GNPDA1: variants seen among roughly 807,000 people sequenced by gnomAD.
GNPDA1 encodes the protein glucosamine-6-phosphate deaminase 1, also known as GNPDA 1.
Under a neutral mutation model 28.5 loss-of-function variants are expected in GNPDA1, and 24 were observed. That is an observed-to-expected ratio of 0.84 (90% CI 0.61 to 1.19). The LOEUF (loss-of-function observed/expected upper bound fraction) is 1.19, where lower values mean the gene tolerates loss of function less well. Among genes scored for constraint, GNPDA1 ranks in the 50% most tolerant of loss-of-function variants. GNPDA1 has a pLI of 0.00. For synonymous variants in GNPDA1, 147 were observed against 139.3 expected (o/e 1.06, Z -0.39); for missense variants, 264 against 367.3 (o/e 0.72, Z 2.30).
At chr5:142,007,667 A>C (rs1299342964) in intron 3 of GNPDA1, 132 bp downstream of exon 3, 1 of 650,598 alleles carries the variant, frequency 1.5e-6, no homozygotes, top group Non-Finnish European at 2.8e-6. Flanking sequence ...GTAAACCAAG[A>C]GGTAAGTATT....
chr5:142,004,885 A>G, intron 5 of GNPDA1, 47 bp downstream of exon 5: 1 of 1,317,168 alleles, frequency 7.6e-7, no homozygotes, highest in South Asian at 1.4e-5. Flanking sequence ...TTAACAAGAG[A>G]AAGACAAGTC....
intron 6 of GNPDA1, among the ~76,000 whole-genome samples, chr5:142,002,672 T>C (rs1341225268): frequency 6.6e-6 from 1 of 152,070 alleles, no homozygotes; most frequent in Non-Finnish European, 1.5e-5. Flanking sequence ...GAGAATCACT[T>C]AAGCCCGGGA....
rs1345953362 is a variant in GNPDA1, at chr5:142,003,675, G to A, written c.595-413C>T. On this transcript the variant is annotated intron_variant, in intron 5 of 6. Transcript: ENST00000311337. This position sits in a 1 kb window ranked among gnomAD's most constrained non-coding sequence, Gnocchi z 4.0. The stretch of plus-strand genomic sequence containing the variant: ...GCTCCCAACCTGCACCACCAGCAAG[G>A]GCACTTTGCAAGCAATGGTGGGAGT... 2.6e-5 allele frequency among the ~76,000 whole-genome samples: 4 copies of A among 152,214 alleles called. No individual in the cohort carries two copies. Among genetic ancestry groups the A allele is most frequent in the African/African-American group, 9.6e-5 (4 of 41,460 alleles).
intron 4 of GNPDA1, chr5:142,005,532 G>A (rs1755780406): frequency 1.2e-5 from 2 of 165,464 alleles, no homozygotes; most frequent in Non-Finnish European, 2.7e-5. Flanking sequence ...CAGAGAACCT[G>A]GACAGGGGCT....
intron 6 of GNPDA1, among the ~76,000 whole-genome samples, 178 bp downstream of exon 6, chr5:142,002,910 G>A (rs1755711126): frequency 6.6e-6 from 1 of 152,168 alleles, no homozygotes; most frequent in African/African-American, 2.4e-5. Flanking sequence ...TCCAGAAATG[G>A]ATCTTTGCAG....
In GNPDA1 at chr5:142,006,314, T is replaced by C. The variant is rs1345682636; in HGVS notation, c.239A>G (p.Asp80Gly). 2.5e-6 allele frequency: 4 copies of C among 1,613,112 alleles called. No homozygotes were observed. Among genetic ancestry groups the C allele is most frequent in the Non-Finnish European group, 3.4e-6 (4 of 1,179,584 alleles). The change falls in exon 4 of 7, where the codon GAC becomes GGC. Residue 80 changes from aspartate to glycine, a missense_variant. Physicochemically the swap from Asp to Gly is moderately conservative, Grantham distance 94. Transcript: ENST00000311337. ...NMDEYVGLPRDHPESYHSFMW... is the reference protein window; with the variant it reads ...NMDEYVGLPRGHPESYHSFMW... ...GAAGGAGTGGTAACTCTCCGGGTGG[T>C]CTCGAGGAAGGCCTGTGGGGCCGTG...
intron 6 of GNPDA1, 71 bp from the exon 7 acceptor site, chr5:142,002,200 C>A (rs1261165506): frequency 2.6e-6 from 2 of 759,890 alleles, no homozygotes; most frequent in Admixed American, 5.1e-5. Context: ...TCAATCATAA[C>A]ATCCAGGAGC....
chr5:142,010,960 C>CT (rs1005137481), intron 2 of GNPDA1, among the ~76,000 whole-genome samples: 37 of 151,864 alleles, frequency 2.4e-4, no homozygotes, highest in Non-Finnish European at 3.4e-4. Context: ...ATTGTCTTTT[C>CT]TTTTTTTGAG....
rs140395498 is a variant in GNPDA1, at chr5:142,000,958, G to A, written c.*1071C>T. 5.9e-5 allele frequency: 9 copies of A among 152,642 alleles called. No homozygotes were observed. The highest frequency in any genetic ancestry group is 2.0e-4 in the Admixed American group (3 of 15,302). 9.5% of individuals were successfully genotyped at this position (152,642 alleles called of 1,614,324 possible). A position where few individuals can be genotyped will look rare whatever the true frequency, so the allele number is the denominator to read the frequency against. ...AGAGCAACAGACCACCTTGGGATCC[G>A]GGGAGAAGGGTAAATGGGCAAAAGG... is the stretch of plus-strand genomic sequence containing the variant. On this transcript the variant is annotated 3_prime_UTR_variant, in exon 7 of 7. Coordinates refer to ENST00000311337, the MANE Select transcript of GNPDA1 (RefSeq NM_005471.5).
chr5:142,011,974 C>T lies in GNPDA1; in HGVS notation c.62G>A (p.Arg21Lys). The stretch of plus-strand genomic sequence containing the variant: ...TGGGTTAAACTGGATGATGCGGTTC[C>T]TGATGTATTTAGCCGCCCACTCGCT... Reference protein sequence around the residue: ...QASEWAAKYIRNRIIQFNPGP... With the variant: ...QASEWAAKYIKNRIIQFNPGP... Residue 21 changes from arginine to lysine, a missense_variant, in exon 2 of 7, where the codon AGG becomes AAG. By Grantham distance (26) the Arg-to-Lys change is conservative. Transcript: ENST00000311337. 1 of 1,613,390 alleles carries T rather than the reference C, an allele frequency of 6.2e-7. No homozygotes were observed. The highest frequency in any genetic ancestry group is 8.5e-7 in the Non-Finnish European group (1 of 1,179,372).
intron 6 of GNPDA1, among the ~76,000 whole-genome samples, chr5:142,002,496 T>A (rs1232168340): frequency 6.6e-6 from 1 of 152,228 alleles, no homozygotes; most frequent in Non-Finnish European, 1.5e-5. Flanking sequence ...CTCACACCTA[T>A]GATCCTAGCA....
chr5:142,002,698 G>A (rs1755705184), intron 6 of GNPDA1, among the ~76,000 whole-genome samples: 1 of 152,074 alleles, frequency 6.6e-6, no homozygotes, highest in African/African-American at 2.4e-5. Flanking sequence ...AGGTTGCAGT[G>A]AGCTGAGATC....
At chr5:142,011,604 A>G (rs1430146265) in intron 2 of GNPDA1, among the ~76,000 whole-genome samples, 1 of 152,208 alleles carries the variant, frequency 6.6e-6, no homozygotes, top group East Asian at 1.9e-4. Context: ...GCCTTAGGGT[A>G]TCAGGACTTA....
chr5:142,004,051 C>A (rs891734647), intron 5 of GNPDA1, among the ~76,000 whole-genome samples: 5 of 152,108 alleles, frequency 3.3e-5, no homozygotes, highest in African/African-American at 1.2e-4. Flanking sequence ...TTCTTCCGGA[C>A]CCCTCAGCAA....
rs78361697 is a variant in GNPDA1 at position 142,005,831 on chromosome 5, T to C, written c.409+313A>G. ...CTGTGTGGAGCCTTCCGGAACTACA[T>C]GAGTCCATGATGTTAAATGTTTAGA... On this transcript the variant is annotated intron_variant, in intron 4 of 6. Coordinates refer to ENST00000311337, the MANE Select transcript of GNPDA1 (RefSeq NM_005471.5). 3.5e-3 allele frequency among the ~76,000 whole-genome samples: 527 copies of C among 152,242 alleles called. 2 individuals carry two copies. Among genetic ancestry groups the C allele is most frequent in the African/African-American group, 0.012 (511 of 41,532 alleles).
Position 142,005,669 on chromosome 5 carries a change from G to A in GNPDA1, c.409+475C>T, listed in dbSNP as rs147784698. Among the ~76,000 whole-genome samples, 1,204 of 152,272 alleles carry A rather than the reference G, an allele frequency of 7.9e-3. 5 individuals carry two copies. Among genetic ancestry groups the A allele is most frequent in the Admixed American group, 0.013 (204 of 15,298 alleles). Reference sequence around the variant, plus strand: ...GTTACCCCTCATGGGTAACTCCAGAGGTGGCGATAGATGGATACACAGAAG... The same window carrying A: ...GTTACCCCTCATGGGTAACTCCAGAAGTGGCGATAGATGGATACACAGAAG... On this transcript the variant is annotated intron_variant, in intron 4 of 6. Transcript: ENST00000311337.
At chr5:142,002,182 C>T in intron 6 of GNPDA1, 53 bp from the exon 7 acceptor site, 2 of 906,100 alleles carry the variant, frequency 2.2e-6, no homozygotes, top group Non-Finnish European at 3.6e-6. Context: ...GCAAGAGTTC[C>T]TTGATTATCA....
chr5:142,003,780 A>G lies in GNPDA1; in HGVS notation c.595-518T>C, dbSNP rs1755735346. The stretch of plus-strand genomic sequence containing the variant: ...ACTTTCAGTTCACAGCATTAAACCT[A>G]TGAACTAATGTGACTTGGGGTGATG... On this transcript the variant is annotated intron_variant, in intron 5 of 6. Transcript: ENST00000311337. The surrounding 1 kb of genome is among the most constrained non-coding windows in gnomAD (Gnocchi z 4.0). Among the ~76,000 whole-genome samples, 1 of 152,244 alleles carries G rather than the reference A, an allele frequency of 6.6e-6. No individual in the cohort carries two copies. The highest frequency in any genetic ancestry group is 1.5e-5 in the Non-Finnish European group (1 of 68,046).
chr5:142,002,066 T>G lies in GNPDA1; in HGVS notation c.833A>C (p.Glu278Ala). The G allele has an allele frequency of 6.2e-7, 1 of 1,604,102 alleles. No individual in the cohort carries two copies. The highest frequency in any genetic ancestry group is 8.5e-7 in the Non-Finnish European group (1 of 1,170,970). ...PLYSIKEKET[E>A]KSQSSKKPYS... ...TGGTTTCTTCGAAGATTGGCTTTTC[T>G]CAGTTTCTTTCTCTTTGATACTGTA... Residue 278 changes from glutamate (E) to alanine (A), a missense_variant, in exon 7 of 7, where the codon GAG becomes GCG. Physicochemically the swap from Glu to Ala is moderately radical, Grantham distance 107. Transcript: ENST00000311337.
Sources: allele counts gnomAD v4.1 joint callset (sites outside exome capture counted in the v4.1 genomes callset), GRCh38; gene constraint gnomAD v4.1.1; non-coding constraint Gnocchi (gnomAD v3.1); transcripts MANE v1.5; gene names NCBI Gene and HGNC (gene_info 2026-07-23, HGNC 2026-07-21).